The following TMEM132B variants were observed in gnomAD, a reference collection of about 807,000 sequenced individuals.
TMEM132B encodes transmembrane protein 132B.
A neutral mutation model predicts 90.8 loss-of-function variants in TMEM132B; 18 were observed. The ratio of observed to expected loss-of-function variants is 0.20; its 90% CI spans 0.14 to 0.29. The LOEUF is 0.29. Among genes scored for constraint, TMEM132B ranks in the 10% least tolerant of loss-of-function variants. The pLI is 1.00. For synonymous variants in TMEM132B, 504 were observed against 523.3 expected (o/e 0.96, Z 0.50); for missense variants, 1,096 against 1,326.8 (o/e 0.83, Z 2.70).
chr12:125,556,504 C>T (rs1437734310), intron 4 of TMEM132B, among the ~76,000 whole-genome samples: 1 of 152,114 alleles, frequency 6.6e-6, no homozygotes, highest in Non-Finnish European at 1.5e-5. Context: ...GTGTCTTCCA[C>T]TTGAAGAGTG....
At chr12:125,391,661 C>T (rs1400945954) in intron 2 of TMEM132B, among the ~76,000 whole-genome samples, 1 of 152,172 alleles carries the variant, frequency 6.6e-6, no homozygotes, top group African/African-American at 2.4e-5. Context: ...CTGCTCCCTC[C>T]CATCTTTGTC....
intron 5 of TMEM132B, among the ~76,000 whole-genome samples, chr12:125,642,515 G>A (rs1416427407): frequency 6.6e-6 from 1 of 152,144 alleles, no homozygotes; most frequent in African/African-American, 2.4e-5. Context: ...TTAGCTATCA[G>A]GCCTAATGGT....
At chr12:125,604,071 T>G (rs1885630640) in intron 5 of TMEM132B, among the ~76,000 whole-genome samples, 1 of 152,170 alleles carries the variant, frequency 6.6e-6, no homozygotes, top group East Asian at 1.9e-4. Context: ...AGAAATACCA[T>G]TTGACCCAGC....
chr12:125,416,565 G>C (rs1880020616), intron 3 of TMEM132B, among the ~76,000 whole-genome samples: 2 of 152,276 alleles, frequency 1.3e-5, no homozygotes, highest in Admixed American at 1.3e-4. Context: ...ATGAAGGCCT[G>C]GGTGGAGGGG....
intron 1 of TMEM132B, among the ~76,000 whole-genome samples, chr12:125,309,481 T>C (rs1014534434): frequency 2.0e-5 from 3 of 152,202 alleles, no homozygotes; most frequent in Admixed American, 1.3e-4. Flanking sequence ...ATTTGACCGA[T>C]ATTTTCTGAG....
intron 2 of TMEM132B, among the ~76,000 whole-genome samples, chr12:125,353,953 T>C (rs895539225): frequency 3.3e-5 from 5 of 152,212 alleles, no homozygotes; most frequent in African/African-American, 1.2e-4. Context: ...GGACTTTAAT[T>C]CTGACTTGGC....
At chr12:125,539,421 G>A (rs1444050034) in intron 4 of TMEM132B, among the ~76,000 whole-genome samples, 1 of 152,146 alleles carries the variant, frequency 6.6e-6, no homozygotes, top group Non-Finnish European at 1.5e-5. Context: ...TGTTCCCCTC[G>A]ATGAGGTAAT....
At chr12:125,562,437 A>G (rs959692383) in intron 4 of TMEM132B, among the ~76,000 whole-genome samples, 1 of 152,218 alleles carries the variant, frequency 6.6e-6, no homozygotes, top group African/African-American at 2.4e-5. Context: ...CTTGGCATTC[A>G]CAACTTGGCT....
intron 4 of TMEM132B, 121 bp downstream of exon 4, chr12:125,519,746 T>A: frequency 1.0e-6 from 1 of 997,008 alleles, no homozygotes; most frequent in Non-Finnish European, 1.5e-6. Context: ...AAAATATACT[T>A]AAATTGCATT....
intron 4 of TMEM132B, among the ~76,000 whole-genome samples, chr12:125,576,576 C>A (rs1378874422): frequency 6.7e-6 from 1 of 148,432 alleles, no homozygotes; most frequent in Admixed American, 6.8e-5. Context: ...CAGTCTTTTA[C>A]CACTGTGATA....
intron 5 of TMEM132B, among the ~76,000 whole-genome samples, chr12:125,600,808 G>T (rs1309970865): frequency 6.6e-6 from 1 of 152,094 alleles, no homozygotes; most frequent in Non-Finnish European, 1.5e-5. Flanking sequence ...AAAAGCAGGG[G>T]TTGCAATCCT....
chr12:125,322,089 C>T (rs1285679372), intron 1 of TMEM132B, among the ~76,000 whole-genome samples: 1 of 152,154 alleles, frequency 6.6e-6, no homozygotes, highest in African/African-American at 2.4e-5. Context: ...GTCTGTGTCC[C>T]CACCCAAATC....
chr12:125,618,982 A>C (rs1886055856), intron 5 of TMEM132B, among the ~76,000 whole-genome samples: 1 of 152,190 alleles, frequency 6.6e-6, no homozygotes, highest in African/African-American at 2.4e-5. Flanking sequence ...GGCAGTTGGA[A>C]GTGCAGTGCT....
chr12:125,471,660 T>C (rs952107189), intron 3 of TMEM132B, among the ~76,000 whole-genome samples: 6 of 152,188 alleles, frequency 3.9e-5, no homozygotes, highest in African/African-American at 1.4e-4. Context: ...GGTTAAACAG[T>C]GAGTCTGACA....
intron 1 of TMEM132B, among the ~76,000 whole-genome samples, chr12:125,275,071 A>C (rs1047442117): frequency 6.6e-6 from 1 of 152,216 alleles, no homozygotes; most frequent in East Asian, 1.9e-4. Flanking sequence ...CTTCAGAATT[A>C]TCTTTTGTCT....
intron 5 of TMEM132B, chr12:125,588,501 C>A (rs2345559): frequency 2.6e-5 from 4 of 151,848 alleles, no homozygotes; most frequent in African/African-American, 9.7e-5. Flanking sequence ...GGCTAATTTT[C>A]GTATTTTTTA....
intron 3 of TMEM132B, among the ~76,000 whole-genome samples, chr12:125,427,621 C>T (rs1365701946): frequency 6.7e-6 from 1 of 148,884 alleles, no homozygotes; most frequent in Non-Finnish European, 1.5e-5. Context: ...TTGATAGCCT[C>T]CCCCAGATTC....
chr12:125,234,397 T>G (rs1399621493), intron 1 of TMEM132B, among the ~76,000 whole-genome samples: 1 of 152,112 alleles, frequency 6.6e-6, no homozygotes, highest in Non-Finnish European at 1.5e-5. Flanking sequence ...AAGGTGAGGT[T>G]TTCCCCATCA....
chr12:125,295,989 G>A lies in TMEM132B; in HGVS notation c.68-53463G>A, dbSNP rs372629599. On this transcript the variant is annotated intron_variant, in intron 1 of 8. Transcript: ENST00000682704. The stretch of plus-strand genomic sequence containing the variant: ...AGTATGCTTTTTCTCCTCTCTTCAC[G>A]TATCAATGACATTTCTTTTTACACT... Among the ~76,000 whole-genome samples the A allele has an allele frequency of 2.6e-5, 4 of 152,180 alleles. No homozygotes were observed. The East Asian group carries it at 7.7e-4, about 29-fold the overall frequency.
Sources: gnomAD v4.1 joint callset for allele counts (sites outside exome capture counted in the v4.1 genomes callset) on GRCh38, gnomAD v4.1.1 for gene constraint, MANE v1.5 for transcripts, NCBI Gene and HGNC (gene_info 2026-07-23, HGNC 2026-07-21) for gene names.